Variants in MAGOHB observed in about 807,000 individuals in gnomAD.
MAGOHB encodes the protein protein mago nashi homolog 2.
Under a neutral mutation model 20.9 loss-of-function variants are expected in MAGOHB, and 15 were observed. That is an observed-to-expected ratio of 0.72 (90% confidence interval 0.48 to 1.11). The LOEUF (loss-of-function observed/expected upper bound fraction) is 1.11, where lower values mean the gene tolerates loss of function less well. Ranked by LOEUF, MAGOHB falls within the 50% of genes least tolerant of loss-of-function variation. The pLI is 0.00. For synonymous variants in MAGOHB, 50 were observed against 57.9 expected, an observed-to-expected ratio of 0.86 and a Z score of 0.62; for missense variants, 162 against 177.6, an observed-to-expected ratio of 0.91 and a Z score of 0.50.
downstream of MAGOHB, among the ~76,000 whole-genome samples, chr12:10,603,548 C>CAAA (rs144204675): frequency 7.1e-6 from 1 of 140,842 alleles, no homozygotes. Flanking sequence ...GACATAATGG[C>CAAA]AAAAAAAAAA....
At chr12:10,610,069 TAG>T in intron 2 of MAGOHB, 128 bp from the exon 3 acceptor site, 1 of 560,638 alleles carries the variant, frequency 1.8e-6, no homozygotes, top group African/African-American at 1.9e-5. Context: ...ATTCCAAAAG[TAG>T]AGGAGACAGA....
chr12:10,609,992 C>G (rs114715046), intron 2 of MAGOHB, 51 bp from the exon 3 acceptor site: 10 of 1,010,298 alleles, frequency 9.9e-6, no homozygotes, highest in Non-Finnish European at 1.5e-5. Flanking sequence ...TGTCACCCCT[C>G]AACTCAGAAA....
At chr12:10,612,250 T>A (rs866798734) in intron 1 of MAGOHB, among the ~76,000 whole-genome samples, 1 of 133,436 alleles carries the variant, frequency 7.5e-6, no homozygotes, top group East Asian at 2.3e-4. Flanking sequence ...CATAACATAA[T>A]TAGCTGGGTG....
intron 1 of MAGOHB, among the ~76,000 whole-genome samples, chr12:10,612,179 T>A (rs1565552885): frequency 6.9e-6 from 1 of 145,942 alleles, no homozygotes; most frequent in Non-Finnish European, 1.5e-5. Context: ...GGGAAACCCA[T>A]CTCTACAAAA....
chr12:10,613,053 C>T (rs997520847), intron 1 of MAGOHB: 3 of 832,428 alleles, frequency 3.6e-6, no homozygotes, highest in Non-Finnish European at 5.0e-6. Flanking sequence ...GGCTCCTCCC[C>T]TTCAAAGAAA....
Position 10,604,275 on chromosome 12 carries a change from CTAG to C in MAGOHB, c.*1997_*1999del, listed in dbSNP as rs1287692495. On this transcript the variant is annotated 3_prime_UTR_variant, in exon 5 of 5. Transcript: ENST00000320756. ...AATAAAAATCTAGTTTCATATAAAA[CTAG>C]TATTATACAAAATTCAGTTTCTAAT... 2 of 152,194 alleles carry C rather than the reference CTAG, an allele frequency of 1.3e-5. No individual in the cohort carries two copies. The highest frequency in any genetic ancestry group is 2.9e-5 in the Non-Finnish European group (2 of 68,034). 9.4% of individuals were successfully genotyped at this position (152,194 alleles called of 1,614,324 possible). A position where few individuals can be genotyped will look rare whatever the true frequency, so the allele number is the denominator to read the frequency against.
rs749953528 is a variant in MAGOHB at position 10,610,620 on chromosome 12, A to C, written c.153+2T>G. 6.6e-7 allele frequency: 1 copy of C among 1,504,920 alleles called. No individual in the cohort carries two copies. The highest frequency in any genetic ancestry group is 1.3e-5 in the South Asian group (1 of 74,802). 93.2% of individuals were successfully genotyped at this position (1,504,920 alleles called of 1,614,324 possible). A position where few individuals can be genotyped will look rare whatever the true frequency, so the allele number is the denominator to read the frequency against. ...AAAAAAAGACATTCACATAGAACTTACCTCTTTTCTGATCATGACATCATT... is the reference window on the plus strand; with the variant it reads ...AAAAAAAGACATTCACATAGAACTTCCCTCTTTTCTGATCATGACATCATT... On this transcript the variant is annotated splice_donor_variant, in intron 2 of 4. Transcript: ENST00000320756. LOFTEE classifies it high-confidence loss of function.
intron 3 of MAGOHB, 73 bp from the exon 4 acceptor site, chr12:10,608,009 C>A: frequency 1.1e-6 from 1 of 907,210 alleles, no homozygotes; most frequent in Non-Finnish European, 1.7e-6. Flanking sequence ...TTGCTACAAG[C>A]AGATCCCAAT....
chr12:10,601,996 C>T (rs1371471944), downstream of MAGOHB, among the ~76,000 whole-genome samples: 1 of 152,188 alleles, frequency 6.6e-6, no homozygotes, highest in Non-Finnish European at 1.5e-5. Flanking sequence ...GCTTGGCGTG[C>T]TAGTGCCACC....
chr12:10,613,576 C>T lies in MAGOHB; in HGVS notation c.-44G>A. On this transcript the variant is annotated 5_prime_UTR_variant, in exon 1 of 5. Transcript: ENST00000320756. ...CGCCGAAAACGCAGCCAACGTGTCC[C>T]CCGGCGCCTTGCAGTGACGTCATCG... 1 of 1,369,202 alleles carries T rather than the reference C, an allele frequency of 7.3e-7. No homozygotes were observed. The highest frequency in any genetic ancestry group is 1.0e-6 in the Non-Finnish European group (1 of 956,706). The allele number at this position is 1,369,202 out of a possible 1,614,324, so 84.8% of individuals were successfully genotyped here.
chr12:10,600,537 G>A (rs1316171343), downstream of MAGOHB, among the ~76,000 whole-genome samples: 1 of 152,042 alleles, frequency 6.6e-6, no homozygotes, highest in African/African-American at 2.4e-5. Flanking sequence ...GTGTGAAAAT[G>A]TGCACATTTG....
At chr12:10,602,261 A>T (rs1291457284), downstream of MAGOHB, among the ~76,000 whole-genome samples, 2 of 152,250 alleles carry the variant, frequency 1.3e-5, no homozygotes, top group Non-Finnish European at 2.9e-5. Context: ...TGTAAGAGGC[A>T]TGATGCCTAC....
At chr12:10,603,416 CTAAGTT>C (rs1357177114), downstream of MAGOHB, among the ~76,000 whole-genome samples, 1 of 151,584 alleles carries the variant, frequency 6.6e-6, no homozygotes, top group East Asian at 1.9e-4. Flanking sequence ...TTCAAATGCT[CTAAGTT>C]TAACATACAT....
chr12:10,606,340 C>A lies in MAGOHB; in HGVS notation c.382G>T (p.Val128Leu). ...PEGLRVFYYL[V>L]QDLKCLVFSL... ...AAAACTAAACATTTCAAGTCTTGTA[C>A]CAAATAGTAAAATACTCGAAGGCCT... Residue 128 changes from valine (V) to leucine (L), a missense_variant, in exon 5 of 5, where the codon GTA (valine) becomes TTA (leucine). By Grantham distance (32) the Val-to-Leu change is conservative. Transcript: ENST00000320756. The A allele has an allele frequency of 6.3e-7, 1 of 1,580,616 alleles. No individual in the cohort carries two copies. The highest frequency in any genetic ancestry group is 1.2e-5 in the South Asian group (1 of 86,480).
At chr12:10,603,408 C>A (rs1865574159), downstream of MAGOHB, among the ~76,000 whole-genome samples, 1 of 151,162 alleles carries the variant, frequency 6.6e-6, no homozygotes, top group Admixed American at 6.6e-5. Flanking sequence ...AAAATACATT[C>A]AAATGCTCTA....
rs1237112685 is a variant in MAGOHB at position 10,609,468 on chromosome 12, A to C, written c.264+363T>G. On this transcript the variant is annotated intron_variant, in intron 3 of 4. Coordinates refer to ENST00000320756, the MANE Select transcript of MAGOHB (RefSeq NM_018048.5). The stretch of plus-strand genomic sequence containing the variant: ...GTTTCTCTCTGGGGTATAGGGATGC[A>C]AGTAAGAATTTTAGAAGTTATGATT... 6 of 394,964 alleles carry C rather than the reference A, an allele frequency of 1.5e-5. No individual in the cohort carries two copies. The East Asian group carries it at 2.1e-4, about 14-fold the overall frequency. 24.5% of individuals were successfully genotyped at this position (394,964 alleles called of 1,614,324 possible).
At position 10,613,551 on chromosome 12, in the gene MAGOHB, C is replaced by A; in HGVS notation, c.-19G>T. On this transcript the variant is annotated 5_prime_UTR_variant, in exon 1 of 5. Coordinates refer to ENST00000320756, the MANE Select transcript of MAGOHB (RefSeq NM_018048.5). ...CAGCCATTTTTGTACCCGGGAAGCC[C>A]GCCGAAAACGCAGCCAACGTGTCCC... 1 of 1,566,378 alleles carries A rather than the reference C, an allele frequency of 6.4e-7. No homozygotes were observed. The highest frequency in any genetic ancestry group is 1.1e-5 in the South Asian group (1 of 90,108).
At chr12:10,610,577 CAAAAAAA>C (rs541042923) in intron 2 of MAGOHB, 38 bp downstream of exon 2, 291 of 727,362 alleles carry the variant, frequency 4.0e-4, no homozygotes, top group African/African-American at 6.3e-4. Context: ...GGGCTAAATG[CAAAAAAA>C]AAAAAAAAAA....
downstream of MAGOHB, among the ~76,000 whole-genome samples, chr12:10,600,523 TTG>T (rs1865544176): frequency 6.6e-6 from 1 of 152,138 alleles, no homozygotes; most frequent in Non-Finnish European, 1.5e-5. Flanking sequence ...GTTCCATCAG[TTG>T]TGTGTGAAAA....
Sources: allele counts gnomAD v4.1 joint callset (sites outside exome capture counted in the v4.1 genomes callset), GRCh38; gene constraint gnomAD v4.1.1; transcripts MANE v1.5; gene names NCBI Gene and HGNC (gene_info 2026-07-23, HGNC 2026-07-21).